The following FAM241B variants were observed in gnomAD, a reference collection of about 807,000 sequenced individuals.
FAM241B encodes protein FAM241B.
In FAM241B, 7 loss-of-function variants were observed where a neutral mutation model predicts 9.3. The observed-to-expected ratio is 0.75, with a 90% CI of 0.43 to 1.41. The LOEUF (loss-of-function observed/expected upper bound fraction) is 1.41. FAM241B is among the 40% of genes most tolerant of loss of function. FAM241B has a pLI of 0.01. For synonymous variants in FAM241B, 60 were observed against 64.1 expected (o/e 0.94, Z 0.31); for missense variants, 136 against 159.6 (o/e 0.85, Z 0.80).
In FAM241B at chr10:69,632,791, GCTT is replaced by G. The variant is rs775308790; in HGVS notation, c.103_105del (p.Phe35del). ...TCTCTCTCTGTCTTCACATTCCAGA[GCTT>G]CTTCAACAGGGGCCATGGTGCTCCC... On this transcript the variant is annotated inframe_deletion and splice_region_variant, in exon 4 of 4. Transcript: ENST00000373279. 3.7e-6 allele frequency: 6 copies of G among 1,612,626 alleles called. No homozygotes were observed. Among genetic ancestry groups the G allele is most frequent in the Non-Finnish European group, 4.2e-6 (5 of 1,179,522 alleles).
chr10:69,632,812 G>A lies in FAM241B; in HGVS notation c.119G>A (p.Gly40Asp), dbSNP rs747969242. 2.5e-6 allele frequency: 4 copies of A among 1,613,686 alleles called. No individual in the cohort carries two copies. The highest frequency in any genetic ancestry group is 3.4e-6 in the Non-Finnish European group (4 of 1,179,856). Residue 40 changes from glycine (G) to aspartate (D), a missense_variant, in exon 4 of 4, where the codon GGT (glycine) becomes GAT (aspartate). Physicochemically the swap from Gly to Asp is moderately conservative, Grantham distance 94 (BLOSUM62 -1). Transcript: ENST00000373279. The stretch of plus-strand genomic sequence containing the variant: ...CAGAGCTTCTTCAACAGGGGCCATG[G>A]TGCTCCCCCAGGGGGTCCTGGCCCC... ...PRQSFFNRGHGAPPGGPGPRQ... is the reference protein window; with the variant it reads ...PRQSFFNRGHDAPPGGPGPRQ...
intron 3 of FAM241B, 127 bp from the exon 4 acceptor site, chr10:69,632,663 T>C (rs1218203268): frequency 9.5e-7 from 1 of 1,047,426 alleles, no homozygotes; most frequent in Non-Finnish European, 1.4e-6. Flanking sequence ...GCATGGGGGA[T>C]TGCTGAGAAA....
In FAM241B at chr10:69,631,970, A is replaced by AGACTTGGG. The variant is rs1839832971; in HGVS notation, c.96+133_96+134insCTTGGGGA. The AGACTTGGG allele has an allele frequency of 9.8e-5, 124 of 1,263,858 alleles. 2 individuals are homozygous for AGACTTGGG. Among genetic ancestry groups the AGACTTGGG allele is most frequent in the Admixed American group, 2.1e-4 (9 of 43,178 alleles). The allele number at this position is 1,263,858 out of a possible 1,614,324, so 78.3% of individuals were successfully genotyped here. On this transcript the variant is annotated intron_variant, in intron 3 of 3. Coordinates refer to ENST00000373279, the MANE Select transcript of FAM241B (RefSeq NM_145306.3). The stretch of plus-strand genomic sequence containing the variant: ...AGCCCTCTTTGCAGAGAGCTGGGGA[A>AGACTTGGG]GATGCAGTGGCTTATTGTCTACCTC...
chr10:69,632,670 G>T, intron 3 of FAM241B, 120 bp from the exon 4 acceptor site: 1 of 1,159,416 alleles, frequency 8.6e-7, no homozygotes, highest in Non-Finnish European at 1.2e-6. Context: ...GGATTGCTGA[G>T]AAAGGAGGGT....
In FAM241B at chr10:69,633,259, G is replaced by A; in HGVS notation, c.*200G>A. ...GCATTTCCAAAGTGTGGGTGGGTCC[G>A]TTGGTTCCCAAGATACTTTTAGGTG... On this transcript the variant is annotated 3_prime_UTR_variant, in exon 4 of 4. Transcript: ENST00000373279. 1.3e-6 allele frequency: 1 copy of A among 765,594 alleles called. No homozygotes were observed. Among genetic ancestry groups the A allele is most frequent in the Non-Finnish European group, 2.1e-6 (1 of 485,292 alleles). The allele number at this position is 765,594 out of a possible 1,614,324, so 47.4% of individuals were successfully genotyped here.
rs778100534 is a variant in FAM241B, at chr10:69,633,349, C to G, written c.*290C>G. 162 of 475,698 alleles carry G rather than the reference C, an allele frequency of 3.4e-4. 1 individual carries two copies. Among genetic ancestry groups the G allele is most frequent in the South Asian group, 2.1e-3 (84 of 39,116 alleles). 29.5% of individuals were successfully genotyped at this position (475,698 alleles called of 1,614,324 possible). A position where few individuals can be genotyped will look rare whatever the true frequency, so the allele number is the denominator to read the frequency against. On this transcript the variant is annotated 3_prime_UTR_variant, in exon 4 of 4. Transcript: ENST00000373279. The stretch of plus-strand genomic sequence containing the variant: ...AAAGCGATGCCCTTCCCAATTCTCT[C>G]AATCCTTTTATGCCGAGAAGATCTC...
chr10:69,630,921 C>T (rs1381456044), intron 1 of FAM241B, among the ~76,000 whole-genome samples: 1 of 152,176 alleles, frequency 6.6e-6, no homozygotes, highest in Non-Finnish European at 1.5e-5. Flanking sequence ...CGCATGATGG[C>T]TAGGATGGTC....
rs1465556120 is a variant in FAM241B at position 69,632,949 on chromosome 10, G to A, written c.256G>A (p.Val86Met). 1.2e-6 allele frequency: 2 copies of A among 1,614,108 alleles called. No individual in the cohort carries two copies. The highest frequency in any genetic ancestry group is 1.3e-5 in the African/African-American group (1 of 74,942). ...GCAGTGGCATCTTGGCAACCATGCT[G>A]TGGAGCCGGTGACCTCCATCCTGCT... The part of the protein sequence containing the change: ...FPQWHLGNHA[V>M]EPVTSILLLF... Residue 86 changes from valine to methionine, a missense_variant, in exon 4 of 4, where the codon GTG becomes ATG. Coordinates refer to ENST00000373279, the MANE Select transcript of FAM241B (RefSeq NM_145306.3).
Position 69,633,134 on chromosome 10 carries a change from AG to A in FAM241B, c.*79del. The A allele has an allele frequency of 1.3e-6, 2 of 1,570,410 alleles. No individual in the cohort carries two copies. Among genetic ancestry groups the A allele is most frequent in the Non-Finnish European group, 1.7e-6 (2 of 1,155,348 alleles). ...TTGGTGTGAGAGCAGGCATATTTGGAGGGGATCTGGTGGTGCCTTGAAGGTA... is the reference window on the plus strand; with the variant it reads ...TTGGTGTGAGAGCAGGCATATTTGGAGGGATCTGGTGGTGCCTTGAAGGTA... On this transcript the variant is annotated 3_prime_UTR_variant, in exon 4 of 4. Coordinates refer to ENST00000373279, the MANE Select transcript of FAM241B (RefSeq NM_145306.3).
intron 1 of FAM241B, 154 bp downstream of exon 1, chr10:69,630,467 C>T: frequency 4.5e-6 from 1 of 222,724 alleles, no homozygotes; most frequent in Non-Finnish European, 7.8e-6. Flanking sequence ...GGGCCGGGCG[C>T]GCGGGTGGCC....
Position 69,632,894 on chromosome 10 carries a change from C to A in FAM241B, c.201C>A (p.Leu67=), listed in dbSNP as rs1334467307. 6.2e-7 allele frequency: 1 copy of A among 1,614,254 alleles called. No homozygotes were observed. The highest frequency in any genetic ancestry group is 8.5e-7 in the Non-Finnish European group (1 of 1,180,042). ...CTGCTCAGTCCCCCTTCAATGACCTCAACCGGCAGCTGGTGAACATGGGCT... is the reference window on the plus strand; with the variant it reads ...CTGCTCAGTCCCCCTTCAATGACCTAAACCGGCAGCTGGTGAACATGGGCT... ...LGAAQSPFND[L]NRQLVNMGFP... is the part of the protein sequence containing the mutation. The change falls in exon 4 of 4, where the codon CTC becomes CTA. Residue 67 remains leucine, a synonymous_variant. Transcript: ENST00000373279.
Position 69,631,544 on chromosome 10 carries a change from T to C in FAM241B, c.-39T>C. On this transcript the variant is annotated 5_prime_UTR_variant, in exon 2 of 4. Transcript: ENST00000373279. ...CACTGACTGCAAGCCTCCCTCAATT[T>C]CTGGTAAATTTTTTCCTTCAAGCTT... is the stretch of plus-strand genomic sequence containing the variant. 6.5e-7 allele frequency: 1 copy of C among 1,544,808 alleles called. No individual in the cohort carries two copies. Among genetic ancestry groups the C allele is most frequent in the Non-Finnish European group, 8.7e-7 (1 of 1,143,728 alleles).
At position 69,633,199 on chromosome 10, in the gene FAM241B, G is replaced by C; in HGVS notation, c.*140G>C. The C allele has an allele frequency of 7.9e-7, 1 of 1,260,690 alleles. No homozygotes were observed. The highest frequency in any genetic ancestry group is 2.3e-5 in the East Asian group (1 of 43,020). 78.1% of individuals were successfully genotyped at this position (1,260,690 alleles called of 1,614,324 possible). A position where few individuals can be genotyped will look rare whatever the true frequency, so the allele number is the denominator to read the frequency against. On this transcript the variant is annotated 3_prime_UTR_variant, in exon 4 of 4. Transcript: ENST00000373279. The stretch of plus-strand genomic sequence containing the variant: ...GACCACAGGTGTGTGTTTCCCCTTT[G>C]TGTTAAGCGTGAGGCAGAGGGAGAC...
At position 69,631,834 on chromosome 10, in the gene FAM241B, C is replaced by T. The variant is rs754518307; in HGVS notation, c.91C>T (p.Arg31Ter). ...CCAGCCACCAAGAGGTAGCATTCCT[C>T]GACAGGTAGGTACTCATTTCCTGTG... ...TTQPPRGSIP[R>*]QSFFNRGHGA... Residue 31 changes from arginine to a stop codon, truncating the protein, a stop_gained, in exon 3 of 4, where the codon CGA becomes TGA. Coordinates refer to ENST00000373279, the MANE Select transcript of FAM241B (RefSeq NM_145306.3). LOFTEE classifies it high-confidence loss of function. 13 of 1,609,276 alleles carry T rather than the reference C, an allele frequency of 8.1e-6. No individual in the cohort carries two copies. The highest frequency in any genetic ancestry group is 1.7e-4 in the Middle Eastern group (1 of 6,058).
In FAM241B at chr10:69,633,396, G is replaced by A. The variant is rs967920802; in HGVS notation, c.*337G>A. On this transcript the variant is annotated 3_prime_UTR_variant, in exon 4 of 4. Coordinates refer to ENST00000373279, the MANE Select transcript of FAM241B (RefSeq NM_145306.3). ...TCTCAGCTGGATGCCAACATGTTCC[G>A]ATGCCTGTGGAAGACATGCCGACGT... The A allele has an allele frequency of 3.2e-5, 11 of 346,636 alleles. No homozygotes were observed. Among genetic ancestry groups the A allele is most frequent in the African/African-American group, 1.5e-4 (7 of 48,048 alleles). 21.5% of individuals were successfully genotyped at this position (346,636 alleles called of 1,614,324 possible). A position where few individuals can be genotyped will look rare whatever the true frequency, so the allele number is the denominator to read the frequency against.
intron 1 of FAM241B, among the ~76,000 whole-genome samples, chr10:69,631,148 C>A (rs1359682247): frequency 2.0e-5 from 3 of 152,224 alleles, no homozygotes; most frequent in African/African-American, 7.2e-5. Context: ...GAGCTTCTGG[C>A]CTCGTGTTCC....
chr10:69,631,392 T>C (rs1839816440), intron 1 of FAM241B, 88 bp from the exon 2 acceptor site: 2 of 1,123,440 alleles, frequency 1.8e-6, no homozygotes, highest in South Asian at 1.3e-5. Flanking sequence ...CAAGGATCTT[T>C]TTGATAGTTT....
rs369065191 is a variant in FAM241B, at chr10:69,631,483, C to G, written c.-100C>G. 42 of 1,520,004 alleles carry G rather than the reference C, an allele frequency of 2.8e-5. No individual in the cohort carries two copies. The African/African-American group carries it at 5.2e-4, about 19-fold the overall frequency. 94.2% of individuals were successfully genotyped at this position (1,520,004 alleles called of 1,614,324 possible). On this transcript the variant is annotated 5_prime_UTR_variant, in exon 2 of 4. Coordinates refer to ENST00000373279, the MANE Select transcript of FAM241B (RefSeq NM_145306.3). The stretch of plus-strand genomic sequence containing the variant: ...TTCTCCCCTTTTTGTTAATCAGACA[C>G]AGCATCTACTCAGCGTGGGTCACCT...
chr10:69,632,153 G>A (rs1157629295), intron 3 of FAM241B, among the ~76,000 whole-genome samples: 1 of 152,058 alleles, frequency 6.6e-6, no homozygotes, highest in African/African-American at 2.4e-5. Context: ...TGAGCCCTGG[G>A]CACAGAATAA....
Sources: gnomAD v4.1 joint callset for allele counts (sites outside exome capture counted in the v4.1 genomes callset) on GRCh38, gnomAD v4.1.1 for gene constraint, MANE v1.5 for transcripts, NCBI Gene and HGNC (gene_info 2026-07-23, HGNC 2026-07-21) for gene names.